DAB1: variants seen among roughly 807,000 people sequenced by gnomAD.
DAB1 encodes the protein DAB adaptor protein 1.
A neutral mutation model predicts 64.6 loss-of-function variants in DAB1; 15 were observed. The ratio of observed to expected loss-of-function variants is 0.23; its 90% CI spans 0.16 to 0.36. DAB1 has a LOEUF of 0.36. DAB1 is among the 10% of genes least tolerant of loss of function. The probability of loss-of-function intolerance (pLI) is 1.00; values close to 1 mark genes in which losing one functional copy is unlikely to be tolerated. For synonymous variants in DAB1, 235 were observed against 251.9 expected, an observed-to-expected ratio of 0.93 and a Z score of 0.64; for missense variants, 596 against 706.7, an observed-to-expected ratio of 0.84 and a Z score of 1.78.
chr1:57,112,253 C>T (rs1655728811), intron 4 of DAB1, among the ~76,000 whole-genome samples: 1 of 152,200 alleles, frequency 6.6e-6, no homozygotes, highest in Admixed American at 6.6e-5. Flanking sequence ...TTCAGACTGA[C>T]AGCCAAAGAC....
chr1:58,243,367 G>A (rs978135196), intron 4 of DAB1, among the ~76,000 whole-genome samples: 6 of 152,108 alleles, frequency 3.9e-5, no homozygotes, highest in Non-Finnish European at 8.8e-5. Flanking sequence ...AAAAGCCTAT[G>A]AATAGAAATG....
chr1:58,519,900 G>A (rs1646234685), intron 2 of DAB1, among the ~76,000 whole-genome samples: 1 of 152,226 alleles, frequency 6.6e-6, no homozygotes, highest in Non-Finnish European at 1.5e-5. Context: ...ACTCAAATAC[G>A]AATTTAATGT....
At position 57,716,431 on chromosome 1, in the gene DAB1, T is replaced by C. The variant is rs553769884; in HGVS notation, n.552-66766A>G. Among the ~76,000 whole-genome samples the C allele has an allele frequency of 6.6e-5, 10 of 152,110 alleles. No individual in the cohort carries two copies. The South Asian group carries it at 2.1e-3, about 32-fold the overall frequency. ...ACAGTGTACAGAACCCAGAAATAAA[T>C]CCATGTATTTATAGCCAGCTGATTT... is the stretch of plus-strand genomic sequence containing the variant. On this transcript the variant is annotated intron_variant and non_coding_transcript_variant, in intron 6 of 20. Transcript: ENST00000485760.
intron 5 of DAB1, among the ~76,000 whole-genome samples, chr1:58,010,094 T>C (rs983898429): frequency 6.6e-6 from 1 of 152,142 alleles, no homozygotes; most frequent in Non-Finnish European, 1.5e-5. Flanking sequence ...GGCATGTGTA[T>C]CCAATGCTGC....
In DAB1 at chr1:57,015,326, G is replaced by A. The variant is rs770270572; in HGVS notation, c.1001C>T (p.Pro334Leu). The change falls in exon 12 of 15, where the codon CCG becomes CTG. Residue 334 changes from proline (P) to leucine (L), a missense_variant. By Grantham distance (98) the Pro-to-Leu change is moderately conservative (BLOSUM62 -3). Coordinates refer to ENST00000371236, the MANE Select transcript of DAB1 (RefSeq NM_001365792.1). Reference protein sequence around the residue: ...GAQPPVAQVMPGAQPIAWGQP... With the variant: ...GAQPPVAQVMLGAQPIAWGQP... ...GCCCCATGCGATGGGCTGAGCCCCC[G>A]GCATCACCTGAGCGACTGGTGGCTG... is the stretch of plus-strand genomic sequence containing the variant. The A allele has an allele frequency of 1.2e-5, 20 of 1,613,930 alleles. No individual in the cohort carries two copies. The highest frequency in any genetic ancestry group is 7.7e-5 in the South Asian group (7 of 91,082).
chr1:57,231,611 A>G (rs544858070), intron 2 of DAB1, among the ~76,000 whole-genome samples: 1 of 152,370 alleles, frequency 6.6e-6, no homozygotes, highest in Non-Finnish European at 1.5e-5. Flanking sequence ...AGTCCTCAGA[A>G]CACTATGAAG....
chr1:58,056,190 G>A, intron 5 of DAB1: 1 of 1,535,700 alleles, frequency 6.5e-7, no homozygotes, highest in Non-Finnish European at 8.9e-7. Context: ...ATCGGGATGG[G>A]GGTGTTCGGT....
At chr1:58,228,290 T>C (rs1570512583) in intron 4 of DAB1, among the ~76,000 whole-genome samples, 1 of 152,314 alleles carries the variant, frequency 6.6e-6, no homozygotes, top group Non-Finnish European at 1.5e-5. Context: ...AGGCAGTAGA[T>C]GTTAGGTAAT....
intron 2 of DAB1, among the ~76,000 whole-genome samples, chr1:57,270,056 G>A (rs1379069704): frequency 6.6e-6 from 1 of 152,190 alleles, no homozygotes; most frequent in African/African-American, 2.4e-5. Flanking sequence ...GCAAAGGAGA[G>A]CCCGAGCACT....
At chr1:57,463,037 T>C (rs1017131300) in intron 7 of DAB1, among the ~76,000 whole-genome samples, 1 of 152,182 alleles carries the variant, frequency 6.6e-6, no homozygotes, top group Non-Finnish European at 1.5e-5. Flanking sequence ...CAATATAATA[T>C]ATAAAATGAA....
chr1:58,013,386 T>C (rs1171930128), intron 5 of DAB1, among the ~76,000 whole-genome samples: 1 of 152,192 alleles, frequency 6.6e-6, no homozygotes, highest in African/African-American at 2.4e-5. Flanking sequence ...GGAAGGCCTC[T>C]CTGACCATTG....
At chr1:57,547,176 C>T (rs953578348) in intron 7 of DAB1, among the ~76,000 whole-genome samples, 5 of 152,052 alleles carry the variant, frequency 3.3e-5, no homozygotes, top group Admixed American at 2.0e-4. Flanking sequence ...ACTGGCTTCT[C>T]TGCTTACAAT....
At chr1:57,301,458 A>T (rs768694872) in intron 1 of DAB1, among the ~76,000 whole-genome samples, 1 of 152,136 alleles carries the variant, frequency 6.6e-6, no homozygotes, top group Non-Finnish European at 1.5e-5. Context: ...TGGAGACTGA[A>T]CGCCCTGTAC....
Position 58,453,528 on chromosome 1 carries a change from C to G in DAB1, n.257+52532G>C, listed in dbSNP as rs12746708. 5.1e-3 allele frequency among the ~76,000 whole-genome samples: 779 copies of G among 152,296 alleles called. 5 individuals are homozygous for G. The highest frequency in any genetic ancestry group is 6.7e-3 in the Non-Finnish European group (454 of 68,020). Reference sequence around the variant, plus strand: ...AACTAATTACTGGAATCCTGCCTCTCGAAATTCCTCTCCTTTTGAATCTCA... The same window carrying G: ...AACTAATTACTGGAATCCTGCCTCTGGAAATTCCTCTCCTTTTGAATCTCA... On this transcript the variant is annotated intron_variant and non_coding_transcript_variant, in intron 3 of 20. Transcript: ENST00000485760.
At chr1:58,418,596 G>A (rs1644743822) in intron 3 of DAB1, among the ~76,000 whole-genome samples, 2 of 152,128 alleles carry the variant, frequency 1.3e-5, no homozygotes, top group South Asian at 2.1e-4. Flanking sequence ...AGATTGATAA[G>A]TGAGCAAATA....
intron 2 of DAB1, among the ~76,000 whole-genome samples, chr1:57,280,401 G>C (rs974610846): frequency 6.6e-6 from 1 of 152,092 alleles, no homozygotes; most frequent in African/African-American, 2.4e-5. Context: ...AGCACACCTG[G>C]GAACATTGTC....
At chr1:57,687,360 C>G (rs3131765) in intron 6 of DAB1, among the ~76,000 whole-genome samples, 1 of 151,762 alleles carries the variant, frequency 6.6e-6, no homozygotes, top group Non-Finnish European at 1.5e-5. Context: ...ACAAGGGGAA[C>G]AGCAAAACAC....
intron 3 of DAB1, among the ~76,000 whole-genome samples, chr1:58,484,143 T>C (rs1219900927): frequency 6.6e-6 from 1 of 152,238 alleles, no homozygotes; most frequent in African/African-American, 2.4e-5. Flanking sequence ...AGGTGCTAGG[T>C]ACACATTGGT....
At chr1:57,107,269 G>C (rs1393462555) in intron 4 of DAB1, among the ~76,000 whole-genome samples, 1 of 151,880 alleles carries the variant, frequency 6.6e-6, no homozygotes, top group Non-Finnish European at 1.5e-5. Flanking sequence ...CAGCTACTTG[G>C]GAGGCTGAGG....
Sources: allele counts gnomAD v4.1 joint callset (sites outside exome capture counted in the v4.1 genomes callset), GRCh38; gene constraint gnomAD v4.1.1; transcripts MANE v1.5; gene names NCBI Gene and HGNC (gene_info 2026-07-23, HGNC 2026-07-21).